Variants in MAP3K19 observed in about 807,000 individuals in gnomAD.
MAP3K19 encodes mitogen-activated protein kinase kinase kinase 19, also known as SPS1/STE20-related protein kinase YSK4.
In MAP3K19, 91 loss-of-function variants were observed where a neutral mutation model predicts 114.4. That is an observed-to-expected ratio of 0.80 (90% CI 0.67 to 0.95). The LOEUF is 0.95. Among genes scored for constraint, MAP3K19 ranks in the 40% least tolerant of loss-of-function variants. The pLI is 0.00. For synonymous variants in MAP3K19, 518 were observed against 530.5 expected (o/e 0.98, Z 0.32); for missense variants, 1,471 against 1,573.2 (o/e 0.94, Z 1.10).
At chr2:135,046,395 A>T (rs936001774) in intron 1 of MAP3K19, among the ~76,000 whole-genome samples, 6 of 152,098 alleles carry the variant, frequency 3.9e-5, no homozygotes, top group African/African-American at 1.4e-4. Context: ...CTCCTGCCTC[A>T]GCCTCCCAAG....
At chr2:135,041,782 A>G (rs1688650185) in intron 1 of MAP3K19, among the ~76,000 whole-genome samples, 1 of 152,222 alleles carries the variant, frequency 6.6e-6, no homozygotes, top group Non-Finnish European at 1.5e-5. Context: ...TTGAAAGCAA[A>G]AGAACAAGAG....
chr2:135,013,461 G>C (rs1302283692), intron 5 of MAP3K19, among the ~76,000 whole-genome samples: 2 of 152,036 alleles, frequency 1.3e-5, no homozygotes, highest in Non-Finnish European at 2.9e-5. Context: ...TAACATTAAG[G>C]TTCACTCCTG....
Position 134,981,008 on chromosome 2 carries a change from C to A in MAP3K19, c.3733G>T (p.Gly1245Ter). 2 of 1,614,200 alleles carry A rather than the reference C, an allele frequency of 1.2e-6. No homozygotes were observed. Among genetic ancestry groups the A allele is most frequent in the Non-Finnish European group, 1.7e-6 (2 of 1,180,036 alleles). Residue 1245 changes from glycine to a stop codon, truncating the protein, a stop_gained, in exon 12 of 13, where the codon GGA (glycine) becomes TGA (stop). Transcript: ENST00000392915. LOFTEE classifies it high-confidence loss of function. ...ATGCTCCAGATATCTGATTTCCGTC[C>A]ATAGCCAGACTCATTGATGACTTCT... is the stretch of plus-strand genomic sequence containing the variant. ...APEVINESGY[G>*]RKSDIWSIGC...
chr2:135,005,470 C>T lies in MAP3K19; in HGVS notation c.200G>A (p.Ser67Asn), dbSNP rs1574000187. Reference protein sequence around the residue: ...STLVNEEEDPSGGRQDWQPRT... With the variant: ...STLVNEEEDPNGGRQDWQPRT... ...GGGTTGCCAGTCCTGTCTACCACCA[C>T]TGGGATCTTCTTCTTCATTAACCAG... The change falls in exon 6 of 13, where the codon AGT becomes AAT. Residue 67 changes from serine to asparagine, a missense_variant. Ser to Asn is a conservative substitution (Grantham distance 46). Transcript: ENST00000392915. The T allele has an allele frequency of 5.0e-6, 8 of 1,614,126 alleles. No homozygotes were observed. The highest frequency in any genetic ancestry group is 6.8e-6 in the Non-Finnish European group (8 of 1,179,986).
Position 134,978,772 on chromosome 2 carries a change from T to C in MAP3K19, c.3920+2049A>G, listed in dbSNP as rs1473837395. On this transcript the variant is annotated intron_variant, in intron 12 of 12. Transcript: ENST00000392915. The stretch of plus-strand genomic sequence containing the variant: ...TCTACCACCATCAGCATCCAAGCTC[T>C]GGATTTCTGCAGAGCTTTCTAGTCT... 3.9e-5 allele frequency among the ~76,000 whole-genome samples: 6 copies of C among 152,342 alleles called. No individual in the cohort carries two copies. In the East Asian group the frequency reaches 1.2e-3, roughly 29 times the overall value.
intron 9 of MAP3K19, 42 bp from the exon 10 acceptor site, chr2:134,988,295 A>G: frequency 6.8e-7 from 1 of 1,475,674 alleles, no homozygotes; most frequent in Non-Finnish European, 9.0e-7. Flanking sequence ...AGAAACATAT[A>G]TAAATATCAC....
intron 12 of MAP3K19, among the ~76,000 whole-genome samples, chr2:134,973,782 T>A (rs1684035502): frequency 6.6e-6 from 1 of 152,210 alleles, no homozygotes. Flanking sequence ...CTGTGAGTTT[T>A]ACACTTTCAT....
At chr2:134,970,555 A>G (rs1489542867) in intron 12 of MAP3K19, among the ~76,000 whole-genome samples, 1 of 151,716 alleles carries the variant, frequency 6.6e-6, no homozygotes, top group African/African-American at 2.4e-5. Context: ...GTCATCTGCA[A>G]AGAGGCACTG....
At chr2:134,985,672 T>G in intron 10 of MAP3K19, 128 bp downstream of exon 10, 4 of 820,248 alleles carry the variant, frequency 4.9e-6, no homozygotes, top group Non-Finnish European at 7.2e-6. Context: ...GATCAAACAG[T>G]GAGACCTTGA....
At position 134,995,253 on chromosome 2, in the gene MAP3K19, C is replaced by T. The variant is rs546608322; in HGVS notation, c.574+3485G>A. Among the ~76,000 whole-genome samples, 19 of 149,994 alleles carry T rather than the reference C, an allele frequency of 1.3e-4. No homozygotes were observed. In the East Asian group the frequency reaches 3.7e-3, roughly 30 times the overall value. On this transcript the variant is annotated intron_variant, in intron 8 of 12. Coordinates refer to ENST00000392915, the MANE Select transcript of MAP3K19 (RefSeq NM_025052.5). ...ATGGCTTCAGCCCAGAAGACGGAGG[C>T]TGCAGGGAGCTGAGATCGCGCCATT...
intron 5 of MAP3K19, among the ~76,000 whole-genome samples, chr2:135,020,024 C>CT (rs112740691): frequency 0.047 from 6,980 of 148,652 alleles, 543 homozygotes; most frequent in African/African-American, 0.16. Flanking sequence ...TTTTCTTTTC[C>CT]TTTTTTTTTT....
rs767751947 is a variant in MAP3K19, at chr2:134,986,756, T to C, written c.2116A>G (p.Ser706Gly). 3 of 1,614,080 alleles carry C rather than the reference T, an allele frequency of 1.9e-6. No individual in the cohort carries two copies. In the African/African-American group the frequency reaches 4.0e-5, roughly 22 times the overall value. The change falls in exon 10 of 13, where the codon AGT becomes GGT. Residue 706 changes from serine to glycine, a missense_variant. Physicochemically the swap from Ser to Gly is moderately conservative, Grantham distance 56. Transcript: ENST00000392915. ...GTTCTGATATTGCTCTTCCTCTCAC[T>C]GTGTGAAGATCGACATTTATTGGTG... Reference protein sequence around the residue: ...RITNKCRSSHSERKSNIRTRL... With the variant: ...RITNKCRSSHGERKSNIRTRL...
At chr2:134,981,996 A>G (rs1162572805) in intron 11 of MAP3K19, among the ~76,000 whole-genome samples, 6 of 149,630 alleles carry the variant, frequency 4.0e-5, no homozygotes, top group Non-Finnish European at 5.9e-5. Flanking sequence ...GGTTCAAGCA[A>G]TCCTCCTACC....
intron 11 of MAP3K19, chr2:134,983,356 G>T: frequency 1.7e-6 from 1 of 582,780 alleles, no homozygotes; most frequent in Non-Finnish European, 3.4e-6. Flanking sequence ...GGTTAGAAAT[G>T]CAGTGGCCAT....
intron 11 of MAP3K19, among the ~76,000 whole-genome samples, chr2:134,981,936 G>C (rs948027041): frequency 2.9e-5 from 4 of 140,038 alleles, no homozygotes; most frequent in Non-Finnish European, 6.0e-5. Flanking sequence ...CTGTTGCCCA[G>C]GCTGGAGTGC....
At chr2:134,979,270 A>C (rs571099837) in intron 12 of MAP3K19, among the ~76,000 whole-genome samples, 105 of 152,266 alleles carry the variant, frequency 6.9e-4, no homozygotes, top group Non-Finnish European at 1.0e-3. Context: ...TAAACTCCTA[A>C]TTTTGTGCCC....
At chr2:134,977,048 A>T (rs947132268) in intron 12 of MAP3K19, among the ~76,000 whole-genome samples, 2 of 117,606 alleles carry the variant, frequency 1.7e-5, no homozygotes, top group South Asian at 5.1e-4. Flanking sequence ...TCCGTCTCGG[A>T]AAAAAAAAAA....
intron 5 of MAP3K19, among the ~76,000 whole-genome samples, chr2:135,012,799 T>C (rs913304368): frequency 2.0e-5 from 3 of 152,202 alleles, no homozygotes; most frequent in African/African-American, 4.8e-5. Flanking sequence ...CCAATACATT[T>C]ACCTTCTTTG....
At chr2:134,965,526 T>A (rs1191675702) in intron 12 of MAP3K19, among the ~76,000 whole-genome samples, 2 of 152,190 alleles carry the variant, frequency 1.3e-5, no homozygotes, top group African/African-American at 4.8e-5. Flanking sequence ...AATGAACCAA[T>A]GAGCTAATGA....
Sources: allele counts gnomAD v4.1 joint callset (sites outside exome capture counted in the v4.1 genomes callset), GRCh38; gene constraint gnomAD v4.1.1; transcripts MANE v1.5; gene names NCBI Gene and HGNC (gene_info 2026-07-23, HGNC 2026-07-21).